The following MYH2 variants were observed in gnomAD, a reference collection of about 807,000 sequenced individuals.
The protein encoded by MYH2 is myosin-2.
A neutral mutation model predicts 228.1 loss-of-function variants in MYH2; 139 were observed. The ratio of observed to expected loss-of-function variants is 0.61; its 90% CI spans 0.53 to 0.70. The LOEUF is 0.70. Ranked by LOEUF, MYH2 falls within the 30% of genes least tolerant of loss-of-function variation. The probability of loss-of-function intolerance (pLI) is 0.00; values close to 1 mark genes in which losing one functional copy is unlikely to be tolerated. For missense variants in MYH2, 1,809 were observed against 2,357.5 expected (o/e 0.77, Z 4.82); for synonymous variants, 796 against 871.1 (o/e 0.91, Z 1.52).
At chr17:10,540,815 G>T in intron 10 of MYH2, 118 bp from the exon 11 acceptor site, 1 of 798,058 alleles carries the variant, frequency 1.3e-6, no homozygotes, top group Non-Finnish European at 2.1e-6. Flanking sequence ...CCCAAATAGA[G>T]GGACCGGCTG....
chr17:10,537,815 C>T lies in MYH2; in HGVS notation c.1437G>A (p.Leu479=), dbSNP rs763847072. 1 of 1,614,180 alleles carries T rather than the reference C, an allele frequency of 6.2e-7. No homozygotes were observed. The highest frequency in any genetic ancestry group is 2.2e-5 in the East Asian group (1 of 44,888). The change falls in exon 15 of 40, where the codon CTG becomes CTA. Residue 479 remains leucine (L), a synonymous_variant. Coordinates refer to ENST00000245503, the MANE Select transcript of MYH2 (RefSeq NM_017534.6). The surrounding 1 kb of genome is among the most constrained non-coding windows in gnomAD (Gnocchi z 4.0). ...GTTTCTCATTGGTGAAGTTGATGCA[C>T]AGCTGCTCCAGGCTGTTGAACTAAA... ...EIFDFNSLEQ[L]CINFTNEKLQ... is the part of the protein sequence containing the mutation.
At chr17:10,546,038 T>C (rs572050135) in intron 4 of MYH2, among the ~76,000 whole-genome samples, 1 of 151,994 alleles carries the variant, frequency 6.6e-6, no homozygotes, top group East Asian at 1.9e-4. Flanking sequence ...AAATGGTTTA[T>C]ATTTTCTTTG....
Position 10,525,006 on chromosome 17 carries a change from G to T in MYH2, c.4722C>A (p.Val1574=). The change falls in exon 34 of 40, where the codon GTC becomes GTA. Residue 1574 remains valine (V), a synonymous_variant. Transcript: ENST00000245503. This position sits in a 1 kb window ranked among gnomAD's most constrained non-coding sequence, Gnocchi z 4.2. The part of the protein sequence containing the change: ...ILRIQLELNQ[V]KSEVDRKIAE... Reference sequence around the variant, plus strand: ...CAATTTTCCTATCAACCTCAGACTTGACTTGGTTCAACTCAAGCTGGATGC... The same window carrying T: ...CAATTTTCCTATCAACCTCAGACTTTACTTGGTTCAACTCAAGCTGGATGC... 6.2e-7 allele frequency: 1 copy of T among 1,614,052 alleles called. No homozygotes were observed. Among genetic ancestry groups the T allele is most frequent in the Non-Finnish European group, 8.5e-7 (1 of 1,180,014 alleles).
At chr17:10,533,719 G>C (rs2073451584) in intron 19 of MYH2, 87 bp from the exon 20 acceptor site, 4 of 1,489,858 alleles carry the variant, frequency 2.7e-6, no homozygotes, top group Non-Finnish European at 3.7e-6. Context: ...TTTTAAAGCA[G>C]AGCTTTAAAA....
chr17:10,525,304 G>A lies in MYH2; in HGVS notation c.4582C>T (p.Arg1528Cys), dbSNP rs377584935. Residue 1528 changes from arginine to cysteine, a missense_variant, in exon 33 of 40, where the codon CGT (arginine) becomes TGT (cysteine). Physicochemically the swap from Arg to Cys is radical, Grantham distance 180 (BLOSUM62 -3). This residue lies in a region of MYH2 where 636 missense variants were observed against 729.9 expected (regional missense o/e 0.87). Transcript: ENST00000245503. This position sits in a 1 kb window ranked among gnomAD's most constrained non-coding sequence, Gnocchi z 4.2. ...TTTATTTTCTCCAGTTCATGGATAC[G>A]TTTCCCTCCTTCTGCAATCTGTTCC... is the stretch of plus-strand genomic sequence containing the variant. ...LTEQIAEGGK[R>C]IHELEKIKKQ... 5.3e-5 allele frequency: 86 copies of A among 1,613,970 alleles called. No homozygotes were observed. The highest frequency in any genetic ancestry group is 4.7e-4 in the African/African-American group (35 of 74,984).
intron 27 of MYH2, 131 bp downstream of exon 27, chr17:10,528,559 G>A (rs2073382944): frequency 8.6e-7 from 1 of 1,157,918 alleles, no homozygotes; most frequent in East Asian, 2.9e-5. Context: ...AAAAAATGCT[G>A]ATTTTTTGTG....
rs753668463 is a variant in MYH2, at chr17:10,537,367, A to G, written c.1763T>C (p.Val588Ala). 5.6e-6 allele frequency: 9 copies of G among 1,614,028 alleles called. No individual in the cohort carries two copies. In the Admixed American group the frequency reaches 1.5e-4, roughly 27 times the overall value. The change falls in exon 16 of 40, where the codon GTT becomes GCT. Residue 588 changes from valine (V) to alanine (A), a missense_variant. Coordinates refer to ENST00000245503, the MANE Select transcript of MYH2 (RefSeq NM_017534.6). The surrounding 1 kb of genome is among the most constrained non-coding windows in gnomAD (Gnocchi z 4.0). ...CCAGCCAGTAATGTTGTAGTCCACA[A>G]CACCAGCATAGTGAATCAGAGCGAA... Reference protein sequence around the residue: ...AHFALIHYAGVVDYNITGWLE... With the variant: ...AHFALIHYAGAVDYNITGWLE...
chr17:10,530,830 G>A (rs2073415636), intron 22 of MYH2, among the ~76,000 whole-genome samples: 1 of 152,184 alleles, frequency 6.6e-6, no homozygotes, highest in African/African-American at 2.4e-5. Flanking sequence ...GGTAGATTTG[G>A]AGGGCTTTTT....
chr17:10,544,201 TG>T (rs1371028345), intron 5 of MYH2, 74 bp from the exon 6 acceptor site: 1 of 1,554,120 alleles, frequency 6.4e-7, no homozygotes, highest in Non-Finnish European at 8.8e-7. Flanking sequence ...TAAAATGGAA[TG>T]AACTTAGTAT....
At position 10,539,532 on chromosome 17, in the gene MYH2, A is replaced by C; in HGVS notation, c.1178T>G (p.Leu393Arg). 6.2e-7 allele frequency: 1 copy of C among 1,614,190 alleles called. No individual in the cohort carries two copies. Among genetic ancestry groups the C allele is most frequent in the Non-Finnish European group, 8.5e-7 (1 of 1,180,032 alleles). The change falls in exon 13 of 40, where the codon CTG (leucine) becomes CGG (arginine). Residue 393 changes from leucine (L) to arginine (R), a missense_variant. Transcript: ENST00000245503. ...VADKAAYLQS[L>R]NSADLLKALC... Reference sequence around the variant, plus strand: ...AGCTTTGAGCAGATCTGCAGAGTTCAGACTCTGGAGGTAGGCCGCCTTGTC... The same window carrying C: ...AGCTTTGAGCAGATCTGCAGAGTTCCGACTCTGGAGGTAGGCCGCCTTGTC...
chr17:10,538,364 C>T (rs147569846), intron 14 of MYH2, among the ~76,000 whole-genome samples: 2,414 of 151,746 alleles, frequency 0.016, 34 homozygotes, highest in Non-Finnish European at 0.023. Context: ...TGACAATATA[C>T]ATTTGTATTT....
At chr17:10,545,533 A>G (rs1268714215) in intron 4 of MYH2, 31 bp from the exon 5 acceptor site, 10 of 1,612,472 alleles carry the variant, frequency 6.2e-6, no homozygotes, top group Non-Finnish European at 8.5e-6. Flanking sequence ...AAGTACCCAA[A>G]GACCTTTCCT....
intron 9 of MYH2, 51 bp from the exon 10 acceptor site, chr17:10,543,024 T>G (rs762514256): frequency 3.2e-6 from 5 of 1,586,548 alleles, no homozygotes; most frequent in Non-Finnish European, 4.3e-6. Flanking sequence ...TCATGTGACA[T>G]GCGAATTTGA....
chr17:10,525,417 G>T lies in MYH2; in HGVS notation c.4537+34C>A. 5 of 1,614,032 alleles carry T rather than the reference G, an allele frequency of 3.1e-6. No homozygotes were observed. The highest frequency in any genetic ancestry group is 4.2e-6 in the Non-Finnish European group (5 of 1,179,904). ...TGACATAAGGGAGAGATTCTTCCAA[G>T]TTATGAATATTATTGAATATGATAG... On this transcript the variant is annotated intron_variant, in intron 32 of 39. Coordinates refer to ENST00000245503, the MANE Select transcript of MYH2 (RefSeq NM_017534.6). This position sits in a 1 kb window ranked among gnomAD's most constrained non-coding sequence, Gnocchi z 4.2.
Position 10,525,115 on chromosome 17 carries a change from A to G in MYH2, c.4663-50T>C. 1 of 1,614,060 alleles carries G rather than the reference A, an allele frequency of 6.2e-7. No homozygotes were observed. Among genetic ancestry groups the G allele is most frequent in the Non-Finnish European group, 8.5e-7 (1 of 1,180,008 alleles). On this transcript the variant is annotated intron_variant, in intron 33 of 39. Transcript: ENST00000245503. This position sits in a 1 kb window ranked among gnomAD's most constrained non-coding sequence, Gnocchi z 4.2. ...TAGCAAGGAACCAAAAGCTTTATGA[A>G]GTTTTTCTGCACAGCAATAATTTTG...
intron 16 of MYH2, 28 bp from the exon 17 acceptor site, chr17:10,536,634 T>G (rs2142309706): frequency 6.3e-7 from 1 of 1,596,206 alleles, no homozygotes; most frequent in Non-Finnish European, 8.6e-7. Flanking sequence ...AAAGAAATAC[T>G]GTTTTGAATT....
rs1309545965 is a variant in MYH2, at chr17:10,533,276, T to C, written c.2441+9A>G. 1 of 1,614,098 alleles carries C rather than the reference T, an allele frequency of 6.2e-7. No homozygotes were observed. Among genetic ancestry groups the C allele is most frequent in the East Asian group, 2.2e-5 (1 of 44,890 alleles). On this transcript the variant is annotated intron_variant, in intron 21 of 39. Transcript: ENST00000245503. ...AGATGGAATATGTGAATAAACATATTTTTTATACCTTCTCTCCACCATCCT... is the reference window on the plus strand; with the variant it reads ...AGATGGAATATGTGAATAAACATATCTTTTATACCTTCTCTCCACCATCCT...
At chr17:10,540,783 A>T (rs1252681674) in intron 10 of MYH2, 86 bp from the exon 11 acceptor site, 2 of 1,215,618 alleles carry the variant, frequency 1.6e-6, no homozygotes, top group Non-Finnish European at 2.4e-6. Context: ...GAGGCACTAT[A>T]TTGTTGTGGG....
At chr17:10,540,474 G>A in intron 11 of MYH2, 120 bp downstream of exon 11, 3 of 851,612 alleles carry the variant, frequency 3.5e-6, no homozygotes, top group Non-Finnish European at 3.9e-6. Context: ...ACTCCAAGGG[G>A]CATGTCCATT....
Sources: allele counts gnomAD v4.1 joint callset (sites outside exome capture counted in the v4.1 genomes callset), GRCh38; gene constraint gnomAD v4.1.1; regional missense constraint gnomAD v4.1.1; non-coding constraint Gnocchi (gnomAD v3.1); transcripts MANE v1.5; gene names NCBI Gene and HGNC (gene_info 2026-07-23, HGNC 2026-07-21).